Variants in RPL22 observed in about 807,000 individuals in gnomAD.
RPL22 encodes ribosomal protein L22.
In RPL22, 4 loss-of-function variants were observed where a neutral mutation model predicts 16.2. The observed-to-expected ratio is 0.25, with a 90% CI of 0.12 to 0.57. RPL22 has a LOEUF of 0.57. RPL22 is among the 20% of genes least tolerant of loss of function. The probability of loss-of-function intolerance (pLI) is 0.92; values close to 1 mark genes in which losing one functional copy is unlikely to be tolerated. For synonymous variants in RPL22, 43 were observed against 54.8 expected (o/e 0.78, Z 0.95); for missense variants, 83 against 156.1 (o/e 0.53, Z 2.49).
At chr1:6,193,707 TC>T (rs1369601629) in intron 2 of RPL22, among the ~76,000 whole-genome samples, 1 of 151,698 alleles carries the variant, frequency 6.6e-6, no homozygotes, top group African/African-American at 2.4e-5. Context: ...CACCTCAGCC[TC>T]CCAAAGCGTG....
rs1667581833 is a variant in RPL22, at chr1:6,186,365, T to C, written c.*307A>G. ...ACAGATACAACTGACAGTCACACTTTTTAAAATCAAACAGTCACTACCTTC... is the reference window on the plus strand; with the variant it reads ...ACAGATACAACTGACAGTCACACTTCTTAAAATCAAACAGTCACTACCTTC... On this transcript the variant is annotated 3_prime_UTR_variant, in exon 4 of 4. Transcript: ENST00000234875. 1 of 295,314 alleles carries C rather than the reference T, an allele frequency of 3.4e-6. No homozygotes were observed. The highest frequency in any genetic ancestry group is 9.8e-4 in the Middle Eastern group (1 of 1,018). 18.3% of individuals were successfully genotyped at this position (295,314 alleles called of 1,614,324 possible).
intron 3 of RPL22, among the ~76,000 whole-genome samples, chr1:6,191,870 A>G (rs988587388): frequency 2.0e-5 from 3 of 149,942 alleles, no homozygotes; most frequent in South Asian, 2.1e-4. Flanking sequence ...GTGGTGGCAC[A>G]TGCCTGCAAT....
chr1:6,185,025 TA>T lies in RPL22; in HGVS notation c.*1646del, dbSNP rs1432184536. On this transcript the variant is annotated 3_prime_UTR_variant, in exon 4 of 4. Coordinates refer to ENST00000234875, the MANE Select transcript of RPL22 (RefSeq NM_000983.4). The stretch of plus-strand genomic sequence containing the variant: ...TTAAAAAAAACAAAGCCTCGTACAG[TA>T]AGAGTAGCCAGGTGTTAGCCACTTT... The T allele has an allele frequency of 1.3e-5, 4 of 314,928 alleles. No homozygotes were observed. In the Admixed American group the frequency reaches 2.0e-4, roughly 16 times the overall value. The allele number at this position is 314,928 out of a possible 1,614,324, so 19.5% of individuals were successfully genotyped here. A position where few individuals can be genotyped will look rare whatever the true frequency, so the allele number is the denominator to read the frequency against.
chr1:6,197,549 A>C, intron 2 of RPL22, 103 bp downstream of exon 2: 1 of 708,098 alleles, frequency 1.4e-6, no homozygotes, highest in Admixed American at 2.3e-5. Context: ...AGACCTGTGA[A>C]GCTGCCTATA....
In RPL22 at chr1:6,185,079, A is replaced by T; in HGVS notation, c.*1593T>A. On this transcript the variant is annotated 3_prime_UTR_variant, in exon 4 of 4. Coordinates refer to ENST00000234875, the MANE Select transcript of RPL22 (RefSeq NM_000983.4). ...TAGAAAATATGATCAAAACTCGATTACAAGAGTTCAAAAAGACATAGAAAA... is the reference window on the plus strand; with the variant it reads ...TAGAAAATATGATCAAAACTCGATTTCAAGAGTTCAAAAAGACATAGAAAA... The T allele has an allele frequency of 2.7e-6, 1 of 371,786 alleles. No individual in the cohort carries two copies. Among genetic ancestry groups the T allele is most frequent in the Admixed American group, 4.6e-5 (1 of 21,954 alleles). 23.0% of individuals were successfully genotyped at this position (371,786 alleles called of 1,614,324 possible).
intron 1 of RPL22, chr1:6,198,473 G>T (rs1667749357): frequency 1.3e-5 from 2 of 152,286 alleles, no homozygotes; most frequent in Admixed American, 1.3e-4. Context: ...CTCTTACGAA[G>T]AAGCTTGTGT....
intron 3 of RPL22, among the ~76,000 whole-genome samples, chr1:6,190,908 G>T (rs1444149090): frequency 6.6e-6 from 1 of 152,154 alleles, no homozygotes; most frequent in Non-Finnish European, 1.5e-5. Flanking sequence ...GCACTTACAA[G>T]GGAAACAACT....
At chr1:6,193,778 CT>C (rs767405220) in intron 2 of RPL22, among the ~76,000 whole-genome samples, 2 of 152,088 alleles carry the variant, frequency 1.3e-5, no homozygotes, top group Admixed American at 6.6e-5. Context: ...AATGTTCAGT[CT>C]TTTTTAAAAA....
chr1:6,198,070 C>A (rs1490577977), intron 1 of RPL22: 2 of 298,090 alleles, frequency 6.7e-6, no homozygotes, highest in East Asian at 1.1e-4. Context: ...AGTTTATGAA[C>A]CACAATAAAA....
In RPL22 at chr1:6,189,875, C is replaced by G. The variant is rs555846091; in HGVS notation, c.242+3055G>C. ...GGCGGAGGTTTCAGTGAGCTGAAAT[C>G]GCGCCATTGCACTCCAGCCTAGACA... On this transcript the variant is annotated intron_variant, in intron 3 of 3. Transcript: ENST00000234875. Among the ~76,000 whole-genome samples, 86 of 152,242 alleles carry G rather than the reference C, an allele frequency of 5.6e-4. 1 individual carries two copies. The highest frequency in any genetic ancestry group is 2.0e-3 in the African/African-American group (84 of 41,552).
At chr1:6,187,955 C>T (rs190417995) in intron 3 of RPL22, among the ~76,000 whole-genome samples, 7 of 152,340 alleles carry the variant, frequency 4.6e-5, no homozygotes, top group East Asian at 3.9e-4. Context: ...CCTGCCACTG[C>T]GCTCACGCCC....
In RPL22 at chr1:6,197,319, C is replaced by T. The variant is rs1201841391; in HGVS notation, c.117+333G>A. On this transcript the variant is annotated intron_variant, in intron 2 of 3. Transcript: ENST00000234875. The stretch of plus-strand genomic sequence containing the variant: ...TGTTGGGATTACGGGCGTGAGCCAC[C>T]GTGCCTGGCTTGTTTCTGGGTAACT... Among the ~76,000 whole-genome samples the T allele has an allele frequency of 1.8e-4, 28 of 152,166 alleles. 1 individual carries two copies. Among genetic ancestry groups the T allele is most frequent in the Admixed American group, 1.8e-3 (28 of 15,284 alleles).
intron 3 of RPL22, among the ~76,000 whole-genome samples, chr1:6,187,181 G>A (rs1324687431): frequency 1.3e-5 from 2 of 152,082 alleles, no homozygotes; most frequent in East Asian, 1.9e-4. Flanking sequence ...GGTGGTGCAC[G>A]CCTGTAATCC....
intron 3 of RPL22, among the ~76,000 whole-genome samples, chr1:6,187,838 G>A (rs1280123470): frequency 1.3e-5 from 2 of 152,092 alleles, no homozygotes; most frequent in African/African-American, 2.4e-5. Context: ...ATCACCTCAC[G>A]GAGTCAAACC....
At chr1:6,193,749 C>T (rs915917311) in intron 2 of RPL22, among the ~76,000 whole-genome samples, 6 of 152,148 alleles carry the variant, frequency 3.9e-5, no homozygotes, top group Non-Finnish European at 8.8e-5. Flanking sequence ...GCATACCTGG[C>T]CCTAATATCG....
intron 3 of RPL22, among the ~76,000 whole-genome samples, chr1:6,192,076 G>T (rs1204236458): frequency 2.6e-5 from 4 of 151,266 alleles, no homozygotes; most frequent in Non-Finnish European, 4.4e-5. Context: ...TTGAGATAGG[G>T]TCTCACTGTG....
At chr1:6,193,531 C>T (rs1330993598) in intron 2 of RPL22, among the ~76,000 whole-genome samples, 1 of 152,086 alleles carries the variant, frequency 6.6e-6, no homozygotes, top group East Asian at 1.9e-4. Context: ...CCACGTTGGT[C>T]ATGCTGGTCT....
At chr1:6,196,858 T>C (rs1667724341) in intron 2 of RPL22, among the ~76,000 whole-genome samples, 1 of 151,910 alleles carries the variant, frequency 6.6e-6, no homozygotes, top group African/African-American at 2.4e-5. Context: ...CTTCATAATA[T>C]AGAAAAGCTT....
chr1:6,190,384 T>C (rs1478712695), intron 3 of RPL22, among the ~76,000 whole-genome samples: 1 of 152,232 alleles, frequency 6.6e-6, no homozygotes, highest in East Asian at 1.9e-4. Context: ...GGTTTTCTTT[T>C]GTTTGTTTTT....
Sources: gnomAD v4.1 joint callset for allele counts (sites outside exome capture counted in the v4.1 genomes callset) on GRCh38, gnomAD v4.1.1 for gene constraint, MANE v1.5 for transcripts, NCBI Gene and HGNC (gene_info 2026-07-23, HGNC 2026-07-21) for gene names.